EDARADD: variants seen among roughly 807,000 people sequenced by gnomAD.
EDARADD encodes the protein EDAR associated via death domain.
In EDARADD, 20 loss-of-function variants were observed where a neutral mutation model predicts 25.6. The observed-to-expected ratio is 0.78, with a 90% CI of 0.55 to 1.14. The LOEUF is 1.14. Among genes scored for constraint, EDARADD ranks in the 50% most tolerant of loss-of-function variants. The pLI is 0.00. For missense variants in EDARADD, 225 were observed against 270.1 expected, an observed-to-expected ratio of 0.83 and a Z score of 1.17; for synonymous variants, 86 against 94.4, an observed-to-expected ratio of 0.91 and a Z score of 0.52.
At chr1:236,412,824 G>A (rs959960929) in intron 2 of EDARADD, among the ~76,000 whole-genome samples, 6 of 152,188 alleles carry the variant, frequency 3.9e-5, no homozygotes, top group African/African-American at 1.4e-4. Context: ...CCATCTCTGG[G>A]AAAACTCAGT....
chr1:236,425,720 G>A (rs1657897932), intron 3 of EDARADD, among the ~76,000 whole-genome samples: 3 of 152,192 alleles, frequency 2.0e-5, no homozygotes, highest in Admixed American at 2.0e-4. Flanking sequence ...GACAGCTCTG[G>A]GGTCCAGTCA....
intron 4 of EDARADD, among the ~76,000 whole-genome samples, chr1:236,435,813 A>G (rs1658235583): frequency 6.6e-6 from 1 of 152,126 alleles, no homozygotes; most frequent in African/African-American, 2.4e-5. Context: ...AATACGTGGG[A>G]TGTTTTCCTA....
At chr1:236,388,957 T>C (rs1034919635) in intron 3 of EDARADD, among the ~76,000 whole-genome samples, 1 of 152,080 alleles carries the variant, frequency 6.6e-6, no homozygotes, top group Non-Finnish European at 1.5e-5. Flanking sequence ...CTAGATTGTT[T>C]TTCCATTTGT....
chr1:236,382,537 G>A (rs1410572539), intron 3 of EDARADD, among the ~76,000 whole-genome samples: 2 of 152,138 alleles, frequency 1.3e-5, no homozygotes, highest in Non-Finnish European at 2.9e-5. Flanking sequence ...TATTCCAGAT[G>A]TTATGAATTC....
At chr1:236,426,204 C>T (rs1309703805) in intron 3 of EDARADD, among the ~76,000 whole-genome samples, 6 of 152,148 alleles carry the variant, frequency 3.9e-5, no homozygotes, top group African/African-American at 1.4e-4. Context: ...CTCTTAAACT[C>T]CTGCCTCAAG....
intron 4 of EDARADD, among the ~76,000 whole-genome samples, chr1:236,462,155 G>T (rs748440831): frequency 3.9e-5 from 6 of 152,134 alleles, no homozygotes; most frequent in East Asian, 1.9e-4. Context: ...TCCTTCTATG[G>T]GTTAAAGCAA....
chr1:236,380,142 G>T (rs1667281410), intron 3 of EDARADD, among the ~76,000 whole-genome samples: 1 of 152,068 alleles, frequency 6.6e-6, no homozygotes, highest in Non-Finnish European at 1.5e-5. Context: ...ATGCCTTCTA[G>T]AGAAAACCTG....
chr1:236,394,252 C>A, upstream of EDARADD: 1 of 598,688 alleles, frequency 1.7e-6, no homozygotes, highest in Non-Finnish European at 3.0e-6. Context: ...AGATAAAATA[C>A]CCTTAAAAAA....
intron 4 of EDARADD, among the ~76,000 whole-genome samples, chr1:236,467,343 G>T (rs1407112165): frequency 1.3e-5 from 2 of 151,570 alleles, no homozygotes; most frequent in African/African-American, 4.8e-5. Flanking sequence ...AAAGATTTTG[G>T]TTTTAGAAAG....
At chr1:236,458,617 G>A (rs1400062134) in intron 4 of EDARADD, among the ~76,000 whole-genome samples, 2 of 147,734 alleles carry the variant, frequency 1.4e-5, no homozygotes, top group Non-Finnish European at 3.0e-5. Flanking sequence ...TTACTTTTGT[G>A]TGTTTTTGGT....
intron 3 of EDARADD, among the ~76,000 whole-genome samples, chr1:236,354,240 G>C (rs1322054872): frequency 4.6e-5 from 7 of 152,152 alleles, no homozygotes; most frequent in Non-Finnish European, 7.3e-5. Context: ...GTGCACAAAT[G>C]ACTTACACAC....
chr1:236,395,328 C>G lies in EDARADD; in HGVS notation c.61+823C>G. The G allele has an allele frequency of 7.7e-7, 1 of 1,290,594 alleles. No individual in the cohort carries two copies. The highest frequency in any genetic ancestry group is 1.7e-5 in the South Asian group (1 of 59,328). The allele number at this position is 1,290,594 out of a possible 1,614,324, so 79.9% of individuals were successfully genotyped here. On this transcript the variant is annotated intron_variant, in intron 1 of 5. Coordinates refer to ENST00000334232, the MANE Select transcript of EDARADD (RefSeq NM_145861.4). The surrounding 1 kb of genome is among the most constrained non-coding windows in gnomAD (Gnocchi z 6.9). ...CCGGGACACTCGGGGCCCCGCCTTGCGTCCCAGCCCCGGGTCGCGGCACCC... is the reference window on the plus strand; with the variant it reads ...CCGGGACACTCGGGGCCCCGCCTTGGGTCCCAGCCCCGGGTCGCGGCACCC...
intron 3 of EDARADD, among the ~76,000 whole-genome samples, chr1:236,383,300 C>T (rs529291944): frequency 1.5e-4 from 23 of 150,732 alleles, no homozygotes; most frequent in Admixed American, 1.0e-3. Flanking sequence ...GAGGCTGAGG[C>T]GAGAGAATCA....
chr1:236,434,031 A>G (rs1658176638), intron 4 of EDARADD, among the ~76,000 whole-genome samples: 1 of 152,164 alleles, frequency 6.6e-6, no homozygotes. Context: ...TGATGATGTC[A>G]TGGTCAATGG....
intron 3 of EDARADD, among the ~76,000 whole-genome samples, chr1:236,368,381 C>T (rs1003021984): frequency 2.0e-5 from 3 of 151,372 alleles, no homozygotes; most frequent in Non-Finnish European, 2.9e-5. Flanking sequence ...TAACCATTCA[C>T]ATTATTCTCT....
At chr1:236,362,953 C>T in intron 3 of EDARADD, among the ~76,000 whole-genome samples, 1 of 131,166 alleles carries the variant, frequency 7.6e-6, no homozygotes, top group Non-Finnish European at 1.6e-5. Context: ...ATCGCTTGAG[C>T]CCAGGAGTTC....
chr1:236,478,906 G>T (rs984655982), intron 5 of EDARADD, among the ~76,000 whole-genome samples: 1 of 152,094 alleles, frequency 6.6e-6, no homozygotes, highest in Non-Finnish European at 1.5e-5. Context: ...TCTAAGTGAA[G>T]TAACTCAGGA....
intron 4 of EDARADD, among the ~76,000 whole-genome samples, chr1:236,447,996 C>T (rs1013260992): frequency 1.3e-5 from 2 of 152,038 alleles, no homozygotes; most frequent in Non-Finnish European, 2.9e-5. Context: ...CCACCATGCC[C>T]GGCTAATTTT....
chr1:236,379,478 T>C (rs1378977464), intron 3 of EDARADD, among the ~76,000 whole-genome samples: 1 of 151,518 alleles, frequency 6.6e-6, no homozygotes, highest in Non-Finnish European at 1.5e-5. Context: ...TGATAGGCAG[T>C]TCTAAAATTC....
Sources: gnomAD v4.1 joint callset for allele counts (sites outside exome capture counted in the v4.1 genomes callset) on GRCh38, gnomAD v4.1.1 for gene constraint, Gnocchi (gnomAD v3.1) non-coding constraint, MANE v1.5 for transcripts, NCBI Gene and HGNC (gene_info 2026-07-23, HGNC 2026-07-21) for gene names.